KCNK2: variants seen among roughly 807,000 people sequenced by gnomAD.
KCNK2 encodes potassium two pore domain channel subfamily K member 2.
A neutral mutation model predicts 40.5 loss-of-function variants in KCNK2; 21 were observed. That is an observed-to-expected ratio of 0.52 (90% CI 0.37 to 0.75). The LOEUF (loss-of-function observed/expected upper bound fraction) is 0.75, where lower values mean the gene tolerates loss of function less well. Among genes scored for constraint, KCNK2 ranks in the 30% least tolerant of loss-of-function variants. The pLI is 0.00. For missense variants in KCNK2, 399 were observed against 531.6 expected, an observed-to-expected ratio of 0.75 and a Z score of 2.45; for synonymous variants, 191 against 202.2, an observed-to-expected ratio of 0.94 and a Z score of 0.47.
Position 215,235,169 on chromosome 1 carries a change from C to T in KCNK2, c.*24C>T, listed in dbSNP as rs777911448. The T allele has an allele frequency of 1.9e-6, 3 of 1,570,990 alleles. No homozygotes were observed. Among genetic ancestry groups the T allele is most frequent in the East Asian group, 4.5e-5 (2 of 44,104 alleles). On this transcript the variant is annotated 3_prime_UTR_variant, in exon 7 of 7. Transcript: ENST00000444842. The stretch of plus-strand genomic sequence containing the variant: ...AGCCCTCTCTTTAAATAACCTTAGG[C>T]ATAGCCATAGGTGAGGACTTCTCTA...
Position 215,230,275 on chromosome 1 carries a change from A to G in KCNK2, c.964-4553A>G, listed in dbSNP as rs571174851. The stretch of plus-strand genomic sequence containing the variant: ...ACGCTTAGGCTGTATACTATAGCCT[A>G]TTGCTCCTAGGCTACAAATCTTTAC... On this transcript the variant is annotated intron_variant, in intron 6 of 6. Coordinates refer to ENST00000444842, the MANE Select transcript of KCNK2 (RefSeq NM_001017425.3). Among the ~76,000 whole-genome samples, 224 of 150,548 alleles carry G rather than the reference A, an allele frequency of 1.5e-3. 3 individuals are homozygous for G. In the South Asian group the frequency reaches 0.016, roughly 11 times the overall value.
chr1:215,061,758 T>A (rs72731101), intron 1 of KCNK2, among the ~76,000 whole-genome samples: 15,515 of 151,738 alleles, frequency 0.1, 974 homozygotes, highest in Middle Eastern at 0.18. Context: ...CATTTTTTTT[T>A]AAAAAAAATT....
intron 3 of KCNK2, among the ~76,000 whole-genome samples, chr1:215,150,895 G>C (rs1411482420): frequency 6.6e-6 from 1 of 151,716 alleles, no homozygotes; most frequent in African/African-American, 2.4e-5. Flanking sequence ...TCAGAGTAAT[G>C]ATAAAAATAG....
intron 5 of KCNK2, among the ~76,000 whole-genome samples, chr1:215,185,061 T>C (rs1372074242): frequency 6.6e-6 from 1 of 152,158 alleles, no homozygotes; most frequent in African/African-American, 2.4e-5. Context: ...TGTGTGCTAA[T>C]AAGAATAATC....
At chr1:215,170,084 T>C (rs1463492363) in intron 4 of KCNK2, among the ~76,000 whole-genome samples, 1 of 152,186 alleles carries the variant, frequency 6.6e-6, no homozygotes, top group Non-Finnish European at 1.5e-5. Flanking sequence ...GGTGGCATTA[T>C]AAATTTAACT....
chr1:215,025,077 C>T (rs1290504514), intron 1 of KCNK2, among the ~76,000 whole-genome samples: 1 of 151,658 alleles, frequency 6.6e-6, no homozygotes, highest in African/African-American at 2.4e-5. Flanking sequence ...GGTTAAGTGC[C>T]AAGGTTTTAG....
chr1:215,089,719 C>T (rs990141067), intron 2 of KCNK2, among the ~76,000 whole-genome samples: 1 of 152,066 alleles, frequency 6.6e-6, no homozygotes, highest in Non-Finnish European at 1.5e-5. Flanking sequence ...GATACCTTTG[C>T]CAATCTGACA....
At chr1:215,165,632 T>C (rs1571686093) in intron 3 of KCNK2, among the ~76,000 whole-genome samples, 1 of 152,270 alleles carries the variant, frequency 6.6e-6, no homozygotes. Context: ...CATAGTACTT[T>C]ATTTGGTACT....
At chr1:215,030,838 A>G (rs1168218003) in intron 1 of KCNK2, among the ~76,000 whole-genome samples, 1 of 151,730 alleles carries the variant, frequency 6.6e-6, no homozygotes, top group Non-Finnish European at 1.5e-5. Context: ...ATGAGTGACT[A>G]CATCCAGCCT....
At chr1:215,116,559 G>A (rs927540750) in intron 2 of KCNK2, among the ~76,000 whole-genome samples, 1 of 151,924 alleles carries the variant, frequency 6.6e-6, no homozygotes, top group Non-Finnish European at 1.5e-5. Context: ...TTTCAAAAGA[G>A]CAAGAAAAAA....
intron 6 of KCNK2, among the ~76,000 whole-genome samples, chr1:215,198,230 C>T (rs910600923): frequency 6.6e-6 from 1 of 152,072 alleles, no homozygotes; most frequent in African/African-American, 2.4e-5. Context: ...TTGCATCTGT[C>T]GAAAGCTCCC....
intron 3 of KCNK2, among the ~76,000 whole-genome samples, chr1:215,131,350 C>A (rs1661669220): frequency 6.9e-6 from 1 of 145,428 alleles, no homozygotes. Flanking sequence ...AATATAATAT[C>A]AATTTATTAT....
chr1:215,162,561 G>A (rs1402200800), intron 3 of KCNK2, among the ~76,000 whole-genome samples: 7 of 152,046 alleles, frequency 4.6e-5, no homozygotes, highest in Non-Finnish European at 8.8e-5. Context: ...TTGGTCTTAC[G>A]TTTAAGTCTT....
At chr1:215,092,033 A>G (rs1009883110) in intron 2 of KCNK2, among the ~76,000 whole-genome samples, 3 of 152,102 alleles carry the variant, frequency 2.0e-5, no homozygotes, top group Admixed American at 6.6e-5. Context: ...TTACATTTCA[A>G]GAGGATTTCC....
At chr1:215,230,592 T>TATATATATACAAGACCGTA (rs1371401718) in intron 6 of KCNK2, among the ~76,000 whole-genome samples, 1 of 94,644 alleles carries the variant, frequency 1.1e-5, no homozygotes, top group Non-Finnish European at 2.1e-5. Context: ...CCGTAATATA[T>TATATATATACAAGACCGTA]ATATATATAT....
intron 1 of KCNK2, among the ~76,000 whole-genome samples, chr1:215,042,845 GC>G (rs1363363301): frequency 6.6e-6 from 1 of 152,126 alleles, no homozygotes; most frequent in Non-Finnish European, 1.5e-5. Context: ...CTGTGTTTTA[GC>G]CTAATTAACT....
chr1:215,093,285 A>C (rs1248714950), intron 2 of KCNK2, among the ~76,000 whole-genome samples: 1 of 148,148 alleles, frequency 6.8e-6, no homozygotes, highest in Non-Finnish European at 1.5e-5. Flanking sequence ...AGGTTTTATT[A>C]TTTTCCTTTA....
chr1:215,163,858 A>G (rs1402618419), intron 3 of KCNK2, among the ~76,000 whole-genome samples: 3 of 152,120 alleles, frequency 2.0e-5, no homozygotes, highest in Non-Finnish European at 4.4e-5. Context: ...GATGTTCATC[A>G]GGGATATTGG....
At chr1:215,007,029 A>ATATATGTGTATGTG (rs1553254668) in intron 1 of KCNK2, among the ~76,000 whole-genome samples, 1 of 68,436 alleles carries the variant, frequency 1.5e-5, no homozygotes, top group Admixed American at 1.5e-4. Flanking sequence ...ATATATATAT[A>ATATATGTGTATGTG]TATATATATG....
Sources: allele counts gnomAD v4.1 joint callset (sites outside exome capture counted in the v4.1 genomes callset), GRCh38; gene constraint gnomAD v4.1.1; transcripts MANE v1.5; gene names NCBI Gene and HGNC (gene_info 2026-07-23, HGNC 2026-07-21).